The following TOX2 variants were observed in gnomAD, a reference collection of about 807,000 sequenced individuals.
The protein encoded by TOX2 is granulosa cell HMG box 1.
TOX2 carries 15 observed loss-of-function variants against 47.4 expected under a neutral mutation model. The observed-to-expected ratio is 0.32, with a 90% confidence interval of 0.21 to 0.49. The LOEUF (loss-of-function observed/expected upper bound fraction) is 0.49. TOX2 is among the 20% of genes least tolerant of loss of function. The probability of loss-of-function intolerance (pLI) is 0.99; values close to 1 mark genes in which losing one functional copy is unlikely to be tolerated. For synonymous variants in TOX2, 290 were observed against 296.6 expected (o/e 0.98, Z 0.23); for missense variants, 622 against 673.1 (o/e 0.92, Z 0.84).
intron 1 of TOX2, among the ~76,000 whole-genome samples, chr20:43,921,403 C>T (rs925493098): frequency 6.6e-6 from 1 of 152,218 alleles, no homozygotes; most frequent in Admixed American, 6.5e-5. Context: ...CTGCCTTCAC[C>T]ACCATCAGGG....
chr20:43,945,806 A>ATG, intron 1 of TOX2: 1 of 1,482,156 alleles, frequency 6.7e-7, no homozygotes, highest in East Asian at 2.3e-5. Context: ...TACGAATGGG[A>ATG]TGGGGGGTGG....
chr20:43,948,620 C>T (rs191730902), intron 1 of TOX2, among the ~76,000 whole-genome samples: 97 of 152,134 alleles, frequency 6.4e-4, no homozygotes, highest in African/African-American at 2.1e-3. Context: ...ACTGGGAGGC[C>T]CCGGGCCTGC....
chr20:44,065,834 G>A lies in TOX2; in HGVS notation c.1083G>A (p.Leu361=). The A allele has an allele frequency of 6.2e-7, 1 of 1,613,870 alleles. No individual in the cohort carries two copies. Among genetic ancestry groups the A allele is most frequent in the Non-Finnish European group, 8.5e-7 (1 of 1,179,770 alleles). ...GLASFLTPSD[L]QAFRSGASPA... ...CCTCCTTCCTGACGCCGTCGGACCTGCAGGCCTTCCGCAGTGGGGCCTCCC... is the reference window on the plus strand; with the variant it reads ...CCTCCTTCCTGACGCCGTCGGACCTACAGGCCTTCCGCAGTGGGGCCTCCC... The change falls in exon 7 of 9, where the codon CTG becomes CTA. Residue 361 remains leucine, a synonymous_variant. Transcript: ENST00000341197.
intron 3 of TOX2, among the ~76,000 whole-genome samples, chr20:44,041,831 G>A (rs1234313610): frequency 1.3e-5 from 2 of 152,094 alleles, no homozygotes; most frequent in Non-Finnish European, 2.9e-5. Context: ...TAGGAATCAG[G>A]ATATAAAGAA....
chr20:44,031,508 G>A (rs2071152007), intron 3 of TOX2, among the ~76,000 whole-genome samples: 1 of 152,192 alleles, frequency 6.6e-6, no homozygotes, highest in Admixed American at 6.5e-5. Context: ...CAAGGTCTGT[G>A]CCTGCATTCT....
intron 3 of TOX2, among the ~76,000 whole-genome samples, chr20:44,030,969 A>T (rs2071141026): frequency 6.6e-6 from 1 of 152,170 alleles, no homozygotes; most frequent in Admixed American, 6.5e-5. Context: ...CCTCAGTAAC[A>T]ACTGGGGAGG....
chr20:43,945,003 G>A (rs965055665), intron 1 of TOX2, among the ~76,000 whole-genome samples: 6 of 152,204 alleles, frequency 3.9e-5, no homozygotes, highest in Non-Finnish European at 8.8e-5. Flanking sequence ...AGTGCCCGGG[G>A]CCAGCTTTAT....
At chr20:43,918,439 C>T (rs1268044740) in intron 1 of TOX2, among the ~76,000 whole-genome samples, 2 of 152,184 alleles carry the variant, frequency 1.3e-5, no homozygotes, top group African/African-American at 4.8e-5. Flanking sequence ...TCCGTCATCC[C>T]AGGAAGTTCC....
intron 3 of TOX2, among the ~76,000 whole-genome samples, chr20:44,021,164 G>A (rs1052303596): frequency 2.0e-5 from 3 of 152,136 alleles, no homozygotes; most frequent in African/African-American, 7.2e-5. Flanking sequence ...TATCAGGGAC[G>A]TCTTGTGACC....
chr20:43,946,085 C>G (rs1484672995), intron 1 of TOX2: 2 of 1,606,604 alleles, frequency 1.2e-6, no homozygotes, highest in South Asian at 2.2e-5. Flanking sequence ...GTGGTCAGGC[C>G]GTCACTGTGG....
chr20:44,054,637 C>A, intron 5 of TOX2, 111 bp downstream of exon 5: 1 of 1,194,762 alleles, frequency 8.4e-7, no homozygotes, highest in South Asian at 1.3e-5. Context: ...GAGACTCTTA[C>A]AGAGGTCTTT....
At chr20:44,057,496 TA>T (rs1432775693) in intron 5 of TOX2, among the ~76,000 whole-genome samples, 1 of 152,090 alleles carries the variant, frequency 6.6e-6, no homozygotes, top group Non-Finnish European at 1.5e-5. Context: ...TAATAGGAAA[TA>T]AAAAAACCTT....
At chr20:43,930,842 C>A (rs2069242789) in intron 1 of TOX2, among the ~76,000 whole-genome samples, 2 of 152,196 alleles carry the variant, frequency 1.3e-5, no homozygotes, top group Non-Finnish European at 2.9e-5. Context: ...GGTGCAGATT[C>A]AAGGGCAGTG....
intron 2 of TOX2, among the ~76,000 whole-genome samples, chr20:44,001,671 G>A (rs13339915): frequency 0.026 from 3,923 of 150,946 alleles, 171 homozygotes; most frequent in African/African-American, 0.092. Context: ...CATTCACTGG[G>A]CACCTTCTCT....
At chr20:44,051,214 C>T in intron 3 of TOX2, 92 bp from the exon 4 acceptor site, 1 of 1,507,178 alleles carries the variant, frequency 6.6e-7, no homozygotes, top group Non-Finnish European at 8.9e-7. Context: ...CACTTCTCCT[C>T]TGCATTCCCT....
intron 7 of TOX2, 74 bp downstream of exon 7, chr20:44,066,181 T>A: frequency 7.0e-7 from 1 of 1,424,810 alleles, no homozygotes; most frequent in Non-Finnish European, 9.2e-7. Context: ...TTTCAAACCC[T>A]GGCCCTGCCA....
intron 2 of TOX2, among the ~76,000 whole-genome samples, chr20:43,974,229 C>T (rs1242115157): frequency 2.7e-5 from 4 of 150,606 alleles, no homozygotes; most frequent in African/African-American, 9.8e-5. Context: ...GTCCTCACTG[C>T]AGGCCAGGAC....
intron 1 of TOX2, among the ~76,000 whole-genome samples, chr20:43,962,466 G>C (rs1412274153): frequency 1.3e-5 from 2 of 152,250 alleles, no homozygotes; most frequent in Non-Finnish European, 2.9e-5. Flanking sequence ...GCTGGGGCGA[G>C]ATTCCTGCGT....
intron 5 of TOX2, among the ~76,000 whole-genome samples, chr20:44,056,456 T>G (rs1359758912): frequency 2.6e-5 from 4 of 152,192 alleles, no homozygotes; most frequent in African/African-American, 9.7e-5. Flanking sequence ...TTTTATACAG[T>G]CTGGGGAGAC....
Sources: allele counts gnomAD v4.1 joint callset (sites outside exome capture counted in the v4.1 genomes callset), GRCh38; gene constraint gnomAD v4.1.1; transcripts MANE v1.5; gene names NCBI Gene and HGNC (gene_info 2026-07-23, HGNC 2026-07-21).